NPNT: variants seen among roughly 807,000 people sequenced by gnomAD.
NPNT encodes nephronectin.
A neutral mutation model predicts 68.6 loss-of-function variants in NPNT; 45 were observed. That is an observed-to-expected ratio of 0.66 (90% CI 0.52 to 0.84). The LOEUF is 0.84. Among genes scored for constraint, NPNT ranks in the 40% least tolerant of loss-of-function variants. The pLI is 0.00. For synonymous variants in NPNT, 233 were observed against 253.3 expected, an observed-to-expected ratio of 0.92 and a Z score of 0.76; for missense variants, 672 against 714.8, an observed-to-expected ratio of 0.94 and a Z score of 0.68.
intron 10 of NPNT, among the ~76,000 whole-genome samples, chr4:105,965,229 CA>C (rs1323612554): frequency 2.6e-5 from 4 of 151,996 alleles, no homozygotes; most frequent in African/African-American, 7.2e-5. Flanking sequence ...GTACATTTAT[CA>C]CCAGAATTAT....
chr4:105,921,742 C>A (rs1246741795), intron 2 of NPNT, among the ~76,000 whole-genome samples: 1 of 152,166 alleles, frequency 6.6e-6, no homozygotes, highest in Non-Finnish European at 1.5e-5. Flanking sequence ...CACCCAGGTC[C>A]TATTAATATA....
chr4:105,897,545 G>C (rs1181066513), intron 1 of NPNT, among the ~76,000 whole-genome samples: 2 of 152,128 alleles, frequency 1.3e-5, no homozygotes, highest in African/African-American at 2.4e-5. Flanking sequence ...AACAGGTGTG[G>C]GTCTTTGAGG....
intron 10 of NPNT, among the ~76,000 whole-genome samples, chr4:105,959,525 T>A (rs1483863334): frequency 1.5e-5 from 2 of 135,690 alleles, no homozygotes; most frequent in African/African-American, 5.4e-5. Context: ...TTTCTTTTCT[T>A]TTTTTTTTTT....
At position 105,937,067 on chromosome 4, in the gene NPNT, C is replaced by T. The variant is rs1372166224; in HGVS notation, c.324C>T (p.Tyr108=). 5.0e-6 allele frequency: 8 copies of T among 1,613,330 alleles called. No homozygotes were observed. The highest frequency in any genetic ancestry group is 1.1e-5 in the South Asian group (1 of 91,074). The change falls in exon 4 of 12, where the codon TAC becomes TAT. Residue 108 remains tyrosine, a synonymous_variant. Transcript: ENST00000379987. The part of the protein sequence containing the change: ...RPCKHRCMNT[Y]GSYKCYCLNG... ...GTAAGCACAGGTGCATGAACACTTACGGCAGCTACAAGTGCTACTGTCTCA... is the reference window on the plus strand; with the variant it reads ...GTAAGCACAGGTGCATGAACACTTATGGCAGCTACAAGTGCTACTGTCTCA...
rs1253076264 is a variant in NPNT at position 105,970,555 on chromosome 4, A to G, written c.*1565A>G. 2.9e-6 allele frequency: 2 copies of G among 680,848 alleles called. No homozygotes were observed. Among genetic ancestry groups the G allele is most frequent in the African/African-American group, 1.8e-5 (1 of 57,030 alleles). The allele number at this position is 680,848 out of a possible 1,614,324, so 42.2% of individuals were successfully genotyped here. A position where few individuals can be genotyped will look rare whatever the true frequency, so the allele number is the denominator to read the frequency against. ...TGGCGACCAGCTGTTCTCCATATGCACTAAGAATAGAACAAGAGGAAACTG... is the reference window on the plus strand; with the variant it reads ...TGGCGACCAGCTGTTCTCCATATGCGCTAAGAATAGAACAAGAGGAAACTG... On this transcript the variant is annotated 3_prime_UTR_variant, in exon 12 of 12. Transcript: ENST00000379987.
At chr4:105,914,793 T>A (rs28536173) in intron 2 of NPNT, among the ~76,000 whole-genome samples, 1 of 151,944 alleles carries the variant, frequency 6.6e-6, no homozygotes, top group African/African-American at 2.4e-5. Context: ...TAAAGCTCAG[T>A]AGCCAGAGGG....
chr4:105,907,284 C>T (rs967443166), intron 2 of NPNT, among the ~76,000 whole-genome samples: 1 of 152,088 alleles, frequency 6.6e-6, no homozygotes, highest in Non-Finnish European at 1.5e-5. Flanking sequence ...TGCACATATA[C>T]CCTAGGATAA....
intron 3 of NPNT, among the ~76,000 whole-genome samples, chr4:105,935,317 C>T (rs1038820832): frequency 6.6e-6 from 1 of 152,136 alleles, no homozygotes; most frequent in Non-Finnish European, 1.5e-5. Flanking sequence ...ATGCTATTTG[C>T]TATAATATCA....
At chr4:105,936,929 A>T in intron 3 of NPNT, 80 bp from the exon 4 acceptor site, 1 of 1,395,396 alleles carries the variant, frequency 7.2e-7, no homozygotes, top group Non-Finnish European at 9.6e-7. Flanking sequence ...TTCATTTTTT[A>T]ATATAGAAAA....
chr4:105,940,770 A>G, intron 7 of NPNT, 134 bp downstream of exon 7: 1 of 796,786 alleles, frequency 1.3e-6, no homozygotes, highest in Admixed American at 2.6e-5. Flanking sequence ...TTTGTCTTTG[A>G]TTTCCACAAA....
At chr4:105,950,368 T>C (rs1414767414) in intron 8 of NPNT, among the ~76,000 whole-genome samples, 1 of 152,044 alleles carries the variant, frequency 6.6e-6, no homozygotes, top group Non-Finnish European at 1.5e-5. Context: ...TCTTAAGATG[T>C]AGATTCCTAA....
intron 11 of NPNT, among the ~76,000 whole-genome samples, chr4:105,967,891 C>A (rs1157846109): frequency 6.6e-6 from 1 of 151,812 alleles, no homozygotes; most frequent in African/African-American, 2.4e-5. Flanking sequence ...CTTTCAAGTT[C>A]AAATTTTTTT....
chr4:105,896,593 C>T (rs1725872145), intron 1 of NPNT, among the ~76,000 whole-genome samples: 1 of 152,214 alleles, frequency 6.6e-6, no homozygotes, highest in Non-Finnish European at 1.5e-5. Flanking sequence ...ACACCGTCGC[C>T]CGGTCGCCTT....
intron 8 of NPNT, among the ~76,000 whole-genome samples, chr4:105,945,497 T>G (rs551314561): frequency 1.3e-5 from 2 of 152,226 alleles, no homozygotes; most frequent in African/African-American, 4.8e-5. Context: ...TCCCAGGTAA[T>G]GGGACCTCTA....
intron 8 of NPNT, 54 bp downstream of exon 8, chr4:105,942,756 C>T: frequency 6.7e-7 from 1 of 1,493,178 alleles, no homozygotes; most frequent in Non-Finnish European, 9.1e-7. Context: ...AATGACTTTT[C>T]AACCACAGGC....
intron 10 of NPNT, among the ~76,000 whole-genome samples, chr4:105,960,464 CA>C (rs1431958845): frequency 2.6e-5 from 4 of 152,086 alleles, no homozygotes; most frequent in Non-Finnish European, 5.9e-5. Flanking sequence ...TTTTGAGTAA[CA>C]AGGTATTAAA....
At chr4:105,959,307 T>C (rs1731493164) in intron 10 of NPNT, among the ~76,000 whole-genome samples, 181 bp downstream of exon 10, 1 of 152,224 alleles carries the variant, frequency 6.6e-6, no homozygotes, top group African/African-American at 2.4e-5. Context: ...ATTTGTTAGC[T>C]ATCAACTAGC....
Position 105,942,328 on chromosome 4 carries a change from A to G in NPNT, c.785A>G (p.Glu262Gly). 6.2e-7 allele frequency: 1 copy of G among 1,601,742 alleles called. No individual in the cohort carries two copies. The highest frequency in any genetic ancestry group is 8.5e-7 in the Non-Finnish European group (1 of 1,171,246). The change falls in exon 8 of 12, where the codon GAA (glutamate) becomes GGA (glycine). Residue 262 changes from glutamate to glycine, a missense_variant. Glu to Gly is a moderately conservative substitution (Grantham distance 98). Coordinates refer to ENST00000379987, the MANE Select transcript of NPNT (RefSeq NM_001033047.3). Reference sequence around the variant, plus strand: ...TCAGATATCCCAAAAGTTATGATTGAACCTTCAGGTCCAATTCATGTACCA... The same window carrying G: ...TCAGATATCCCAAAAGTTATGATTGGACCTTCAGGTCCAATTCATGTACCA... ...TCVYIPKVMI[E>G]PSGPIHVPKG...
chr4:105,970,786 A>G lies in NPNT; in HGVS notation c.*1796A>G. ...TCCCAAAAGATGTTTTGATCCTACT[A>G]GTAGTATGCAGTGAAAATCTTTAGA... On this transcript the variant is annotated 3_prime_UTR_variant, in exon 12 of 12. Transcript: ENST00000379987. The G allele has an allele frequency of 2.9e-6, 1 of 339,488 alleles. No individual in the cohort carries two copies. Among genetic ancestry groups the G allele is most frequent in the Non-Finnish European group, 5.7e-6 (1 of 175,432 alleles). 21.0% of individuals were successfully genotyped at this position (339,488 alleles called of 1,614,324 possible). A position where few individuals can be genotyped will look rare whatever the true frequency, so the allele number is the denominator to read the frequency against.
Sources: gnomAD v4.1 joint callset for allele counts (sites outside exome capture counted in the v4.1 genomes callset) on GRCh38, gnomAD v4.1.1 for gene constraint, MANE v1.5 for transcripts, NCBI Gene and HGNC (gene_info 2026-07-23, HGNC 2026-07-21) for gene names.